The following FAM184B variants were observed in gnomAD, a reference collection of about 807,000 sequenced individuals.
FAM184B encodes the protein family with sequence similarity 184 member B, also known as protein FAM184B.
FAM184B carries 111 observed loss-of-function variants against 135.9 expected under a neutral mutation model. The ratio of observed to expected loss-of-function variants is 0.82; its 90% CI spans 0.70 to 0.96. The LOEUF is 0.96. FAM184B is among the 40% of genes least tolerant of loss of function. FAM184B has a pLI of 0.00. For missense variants in FAM184B, 1,375 were observed against 1,323.9 expected, an observed-to-expected ratio of 1.04 and a Z score of -0.60; for synonymous variants, 552 against 524.8, an observed-to-expected ratio of 1.05 and a Z score of -0.71.
At chr4:17,647,891 G>A (rs942221741) in intron 11 of FAM184B, 100 bp from the exon 12 acceptor site, 2 of 1,326,564 alleles carry the variant, frequency 1.5e-6, no homozygotes, top group African/African-American at 1.5e-5. Flanking sequence ...TGACGTGGGT[G>A]GCTGCTGAAG....
At chr4:17,738,247 T>G (rs1314058214) in intron 1 of FAM184B, among the ~76,000 whole-genome samples, 2 of 152,040 alleles carry the variant, frequency 1.3e-5, no homozygotes, top group African/African-American at 2.4e-5. Context: ...TGGAAGGGTA[T>G]GAATTCAGAG....
chr4:17,713,127 T>C (rs1717322157), intron 1 of FAM184B, among the ~76,000 whole-genome samples: 1 of 152,222 alleles, frequency 6.6e-6, no homozygotes. Context: ...GTCTTCCTTG[T>C]TCATTACTCT....
At position 17,706,134 on chromosome 4, in the gene FAM184B, C is replaced by G. The variant is rs929534780; in HGVS notation, c.1031-243G>C. On this transcript the variant is annotated intron_variant, in intron 3 of 17. Coordinates refer to ENST00000265018, the MANE Select transcript of FAM184B (RefSeq NM_015688.2). ...CTACCTTCCTAAATAACCTCCAAAT[C>G]TTTTTGACTGCAGTTTCTATAGGTT... 4.6e-5 allele frequency among the ~76,000 whole-genome samples: 7 copies of G among 152,184 alleles called. No individual in the cohort carries two copies. In the East Asian group the frequency reaches 1.3e-3, roughly 29 times the overall value.
At chr4:17,695,178 A>G (rs1221022406) in intron 5 of FAM184B, among the ~76,000 whole-genome samples, 1 of 113,554 alleles carries the variant, frequency 8.8e-6, no homozygotes, top group African/African-American at 3.2e-5. Context: ...TTTTTTTCTG[A>G]GACAGGGTCT....
intron 1 of FAM184B, among the ~76,000 whole-genome samples, chr4:17,770,737 A>T (rs1455633587): frequency 6.6e-6 from 1 of 152,180 alleles, no homozygotes; most frequent in African/African-American, 2.4e-5. Flanking sequence ...AAGTGCTGGG[A>T]TTACAGGCGT....
In FAM184B at chr4:17,630,688, T is replaced by G. The variant is rs1420414352; in HGVS notation, c.*1844A>C. 4.6e-5 allele frequency: 7 copies of G among 152,212 alleles called. No individual in the cohort carries two copies. Among genetic ancestry groups the G allele is most frequent in the African/African-American group, 1.4e-4 (6 of 41,452 alleles). The allele number at this position is 152,212 out of a possible 1,614,324, so 9.4% of individuals were successfully genotyped here. A position where few individuals can be genotyped will look rare whatever the true frequency, so the allele number is the denominator to read the frequency against. ...TGTGTTAATGTATGGTGACAAGTGT[T>G]TGTTTGCATTTAAAAATGCATTGGA... On this transcript the variant is annotated 3_prime_UTR_variant, in exon 18 of 18. Coordinates refer to ENST00000265018, the MANE Select transcript of FAM184B (RefSeq NM_015688.2).
At chr4:17,768,809 CT>C (rs113896675) in intron 1 of FAM184B, among the ~76,000 whole-genome samples, 4,532 of 144,310 alleles carry the variant, frequency 0.031, 210 homozygotes, top group African/African-American at 0.1. Context: ...TTTCTTTTTT[CT>C]TTTTTTTTTT....
At chr4:17,734,414 AT>A (rs1717859517) in intron 1 of FAM184B, among the ~76,000 whole-genome samples, 1 of 152,052 alleles carries the variant, frequency 6.6e-6, no homozygotes, top group Non-Finnish European at 1.5e-5. Flanking sequence ...ATGGGAGAAA[AT>A]TTTTGCAACC....
intron 1 of FAM184B, among the ~76,000 whole-genome samples, chr4:17,760,008 C>T (rs537542483): frequency 9.9e-5 from 15 of 152,180 alleles, no homozygotes; most frequent in East Asian, 5.8e-4. Context: ...CTTGGCTGAC[C>T]GCACACCTGG....
chr4:17,659,253 A>G (rs971649980), intron 9 of FAM184B, among the ~76,000 whole-genome samples: 9 of 151,088 alleles, frequency 6.0e-5, no homozygotes, highest in African/African-American at 2.2e-4. Context: ...GTACAGGCAC[A>G]TGTCACCATG....
At chr4:17,723,821 C>T (rs920296954) in intron 1 of FAM184B, among the ~76,000 whole-genome samples, 3 of 152,180 alleles carry the variant, frequency 2.0e-5, no homozygotes, top group African/African-American at 4.8e-5. Flanking sequence ...AGAAGAACTT[C>T]ATGCAAGGTC....
chr4:17,765,777 G>C (rs966614129), intron 1 of FAM184B, among the ~76,000 whole-genome samples: 5 of 152,212 alleles, frequency 3.3e-5, no homozygotes, highest in African/African-American at 1.2e-4. Flanking sequence ...CTCCTGATGA[G>C]TGTTACAGTA....
At position 17,635,049 on chromosome 4, in the gene FAM184B, G is replaced by C. The variant is rs1204065491; in HGVS notation, c.2849C>G (p.Ser950Cys). 1 of 1,551,882 alleles carries C rather than the reference G, an allele frequency of 6.4e-7. No individual in the cohort carries two copies. Among genetic ancestry groups the C allele is most frequent in the Non-Finnish European group, 8.7e-7 (1 of 1,147,016 alleles). ...CAAATATCCCGGGTGAGGATTGAAA[G>C]AGAAAGACCGATTCCGGTGGGACAT... ...SAMSHRNRSF[S>C]FNPHPGYLTP... Residue 950 changes from serine (S) to cysteine (C), a missense_variant, in exon 16 of 18, where the codon TCT becomes TGT. By Grantham distance (112) the Ser-to-Cys change is moderately radical. Coordinates refer to ENST00000265018, the MANE Select transcript of FAM184B (RefSeq NM_015688.2).
At chr4:17,657,655 C>CTT (rs58666074) in intron 10 of FAM184B, among the ~76,000 whole-genome samples, 7,473 of 114,350 alleles carry the variant, frequency 0.065, 1,067 homozygotes, top group African/African-American at 0.22. Context: ...CTGAGCTGTT[C>CTT]TTTTTTTTTT....
At chr4:17,640,989 A>G (rs548120360) in intron 13 of FAM184B, among the ~76,000 whole-genome samples, 3 of 152,082 alleles carry the variant, frequency 2.0e-5, no homozygotes, top group Admixed American at 2.0e-4. Context: ...GCTGAAGTGC[A>G]GTGGCCCGAT....
chr4:17,757,275 G>C (rs770539035), intron 1 of FAM184B, among the ~76,000 whole-genome samples: 4 of 152,174 alleles, frequency 2.6e-5, no homozygotes, highest in Non-Finnish European at 5.9e-5. Flanking sequence ...AAAACAATGT[G>C]TGTGTGTATG....
At chr4:17,665,943 C>A (rs1467643042) in intron 7 of FAM184B, among the ~76,000 whole-genome samples, 1 of 152,082 alleles carries the variant, frequency 6.6e-6, no homozygotes, top group Non-Finnish European at 1.5e-5. Context: ...AAGCCTCCTC[C>A]TCTCCTGCTT....
intron 6 of FAM184B, among the ~76,000 whole-genome samples, chr4:17,688,958 G>T (rs924297580): frequency 2.5e-4 from 38 of 152,258 alleles, no homozygotes; most frequent in Non-Finnish European, 5.1e-4. Context: ...CTCCAAAAGG[G>T]CTGGGATTAT....
intron 1 of FAM184B, among the ~76,000 whole-genome samples, chr4:17,759,632 A>G (rs1257884061): frequency 1.3e-5 from 2 of 152,032 alleles, no homozygotes; most frequent in African/African-American, 4.8e-5. Flanking sequence ...AGCTGAGATT[A>G]CAGACATCCA....
Sources: allele counts gnomAD v4.1 joint callset (sites outside exome capture counted in the v4.1 genomes callset), GRCh38; gene constraint gnomAD v4.1.1; transcripts MANE v1.5; gene names NCBI Gene and HGNC (gene_info 2026-07-23, HGNC 2026-07-21).